The following TSPYL2 variants were observed in gnomAD, a reference collection of about 807,000 sequenced individuals.
The protein encoded by TSPYL2 is testis-specific Y-encoded-like protein 2.
TSPYL2 carries 9 observed loss-of-function variants against 33.0 expected under a neutral mutation model. That is an observed-to-expected ratio of 0.27 (90% CI 0.16 to 0.48). The LOEUF (loss-of-function observed/expected upper bound fraction) is 0.48. Ranked by LOEUF, TSPYL2 falls within the 20% of genes least tolerant of loss-of-function variation. The pLI is 0.99. For missense variants in TSPYL2, 636 were observed against 586.2 expected (o/e 1.08, Z -0.88); for synonymous variants, 330 against 233.6 (o/e 1.41, Z -3.77).
chrX:53,082,576 CCCG>C lies in TSPYL2; in HGVS notation c.98_100del (p.Pro33del), dbSNP rs781884842. 523 of 1,100,532 alleles carry C rather than the reference CCCG, an allele frequency of 4.8e-4. No individual in the cohort carries two copies. The highest frequency in any genetic ancestry group is 2.2e-3 in the Admixed American group (77 of 34,800). 90.7% of individuals were successfully genotyped at this position (1,100,532 alleles called of 1,213,427 possible). ...CCGAGTCTCCACAGCGCGACCCGCC[CCCG>C]CCGCCGCCGCCGCCGCCGCTCCTCC... On this transcript the variant is annotated inframe_deletion, in exon 1 of 7. Coordinates refer to ENST00000375442, the MANE Select transcript of TSPYL2 (RefSeq NM_022117.4).
At position 53,082,536 on chromosome X, in the gene TSPYL2, G is replaced by T; in HGVS notation, c.38G>T (p.Arg13Leu). Residue 13 changes from arginine (R) to leucine (L), a missense_variant, in exon 1 of 7, where the codon CGC becomes CTC. Arg to Leu is a moderately radical substitution (Grantham distance 102). Transcript: ENST00000375442. Reference protein sequence around the residue: ...RPDEGPPAKTRRLSSSESPQR... With the variant: ...RPDEGPPAKTLRLSSSESPQR... ...GATGAGGGGCCTCCGGCCAAGACCC[G>T]CCGCCTGAGCAGCTCCGAGTCTCCA... The T allele has an allele frequency of 8.6e-7, 1 of 1,158,714 alleles. No homozygotes were observed.
chrX:53,085,395 G>C (rs1369393420), intron 5 of TSPYL2, 74 bp downstream of exon 5: 3 of 906,261 alleles, frequency 3.3e-6, no homozygotes, highest in Non-Finnish European at 4.6e-6. Flanking sequence ...AGGATTTATG[G>C]AGCCAAAAAG....
At chrX:53,087,548 G>A (rs111433517) in intron 6 of TSPYL2, 2 of 408,481 alleles carry the variant, frequency 4.9e-6, no homozygotes, top group Non-Finnish European at 8.6e-6. Flanking sequence ...ACAGAGGCAG[G>A]GATCCCACAC....
At position 53,082,536 on chromosome X, in the gene TSPYL2, G is replaced by A; in HGVS notation, c.38G>A (p.Arg13His). 1.7e-6 allele frequency: 2 copies of A among 1,158,717 alleles called. No individual in the cohort carries two copies. The highest frequency in any genetic ancestry group is 2.3e-6 in the Non-Finnish European group (2 of 873,065). The change falls in exon 1 of 7, where the codon CGC becomes CAC. Residue 13 changes from arginine to histidine, a missense_variant. Coordinates refer to ENST00000375442, the MANE Select transcript of TSPYL2 (RefSeq NM_022117.4). Reference sequence around the variant, plus strand: ...GATGAGGGGCCTCCGGCCAAGACCCGCCGCCTGAGCAGCTCCGAGTCTCCA... The same window carrying A: ...GATGAGGGGCCTCCGGCCAAGACCCACCGCCTGAGCAGCTCCGAGTCTCCA... ...RPDEGPPAKT[R>H]RLSSSESPQR...
At position 53,085,289 on chromosome X, in the gene TSPYL2, G is replaced by A. The variant is rs782453473; in HGVS notation, c.1206G>A (p.Arg402=). ...ACTACCTGAGAGAAAGGGGCTCCAGGATAAAGAGAAAGAAGCAAGAAATGA... is the reference window on the plus strand; with the variant it reads ...ACTACCTGAGAGAAAGGGGCTCCAGAATAAAGAGAAAGAAGCAAGAAATGA... The part of the protein sequence containing the change: ...LRYYLRERGS[R]IKRKKQEMKK... The change falls in exon 5 of 7, where the codon AGG becomes AGA. Residue 402 remains arginine, a synonymous_variant. Coordinates refer to ENST00000375442, the MANE Select transcript of TSPYL2 (RefSeq NM_022117.4). The A allele has an allele frequency of 6.6e-6, 8 of 1,208,006 alleles. No homozygotes were observed. Among genetic ancestry groups the A allele is most frequent in the African/African-American group, 3.5e-5 (2 of 57,194 alleles).
At chrX:53,084,711 G>GT (rs1932718949) in intron 2 of TSPYL2, 44 bp from the exon 3 acceptor site, 1 of 1,177,997 alleles carries the variant, frequency 8.5e-7, no homozygotes, top group African/African-American at 1.8e-5. Context: ...GCCGTGGTGT[G>GT]TTGGGGGGGG....
In TSPYL2 at chrX:53,083,139, G is replaced by A. The variant is rs372826412; in HGVS notation, c.641G>A (p.Ser214Asn). Residue 214 changes from serine to asparagine, a missense_variant, in exon 1 of 7, where the codon AGC becomes AAC. Transcript: ENST00000375442. Reference sequence around the variant, plus strand: ...GAGAGAAATGCCGAGAGGATGGAGAGCATCCTGCAGGCACTGGAGGATATT... The same window carrying A: ...GAGAGAAATGCCGAGAGGATGGAGAACATCCTGCAGGCACTGGAGGATATT... ...SRERNAERME[S>N]ILQALEDIQL... 8.3e-7 allele frequency: 1 copy of A among 1,208,622 alleles called. No homozygotes were observed. Among genetic ancestry groups the A allele is most frequent in the African/African-American group, 1.8e-5 (1 of 56,751 alleles).
chrX:53,082,628 C>A lies in TSPYL2; in HGVS notation c.130C>A (p.Gln44Lys). 8.7e-7 allele frequency: 1 copy of A among 1,155,184 alleles called. No individual in the cohort carries two copies. Among genetic ancestry groups the A allele is most frequent in the Non-Finnish European group, 1.1e-6 (1 of 870,236 alleles). Residue 44 changes from glutamine (Q) to lysine (K), a missense_variant, in exon 1 of 7, where the codon CAG becomes AAG. This residue lies in a region of TSPYL2 where 231 missense variants were observed against 201.6 expected (regional missense o/e 1.15). Coordinates refer to ENST00000375442, the MANE Select transcript of TSPYL2 (RefSeq NM_022117.4). ...LLRLPLPPPQ[Q>K]RPRLQEETEA... is the part of the protein sequence containing the mutation. ...CCGACTGCCGCTGCCTCCACCCCAG[C>A]AGCGCCCGAGGCTCCAGGAGGAAAC...
At position 53,087,943 on chromosome X, in the gene TSPYL2, T is replaced by A. The variant is rs782114302; in HGVS notation, c.*4T>A. ...GAAGAGGGGGAAAACCGGATAAGGG[T>A]TTTCCCCTTTTGGGGATCACCTCTC... On this transcript the variant is annotated 3_prime_UTR_variant, in exon 7 of 7. Coordinates refer to ENST00000375442, the MANE Select transcript of TSPYL2 (RefSeq NM_022117.4). The A allele has an allele frequency of 8.3e-6, 10 of 1,208,431 alleles. No homozygotes were observed. The highest frequency in any genetic ancestry group is 1.1e-5 in the Non-Finnish European group (10 of 893,836).
At position 53,086,033 on chromosome X, in the gene TSPYL2, C is replaced by T. The variant is rs1556808555; in HGVS notation, c.1641C>T (p.Gly547=). The change falls in exon 6 of 7, where the codon GGC becomes GGT. Residue 547 remains glycine (G), a synonymous_variant. Transcript: ENST00000375442. Reference sequence around the variant, plus strand: ...ACGGCAACAACTTCTTCAAAGGTGGCTTCTGGGGCAGCCATGGCAACAACC... The same window carrying T: ...ACGGCAACAACTTCTTCAAAGGTGGTTTCTGGGGCAGCCATGGCAACAACC... ...NTYGNNFFKG[G]FWGSHGNNQD... is the part of the protein sequence containing the mutation. 5.1e-6 allele frequency: 6 copies of T among 1,172,716 alleles called. No homozygotes were observed. The highest frequency in any genetic ancestry group is 1.9e-5 in the South Asian group (1 of 53,157).
rs1463998013 is a variant in TSPYL2 at position 53,082,855 on chromosome X, C to T, written c.357C>T (p.Pro119=). The change falls in exon 1 of 7, where the codon CCC becomes CCT. Residue 119 remains proline, a synonymous_variant. Coordinates refer to ENST00000375442, the MANE Select transcript of TSPYL2 (RefSeq NM_022117.4). ...CCACGGAGAGCCTGGAAGCACTCCC[C>T]ACTCCTGAGGCCTCGGGGGGGAGCC... is the stretch of plus-strand genomic sequence containing the variant. The part of the protein sequence containing the change: ...PPPTESLEAL[P]TPEASGGSLE... 13 of 1,206,913 alleles carry T rather than the reference C, an allele frequency of 1.1e-5. No individual in the cohort carries two copies. Among genetic ancestry groups the T allele is most frequent in the Non-Finnish European group, 1.3e-5 (12 of 894,000 alleles).
rs1932722183 is a variant in TSPYL2 at position 53,084,801 on chromosome X, A to G, written c.932A>G (p.Tyr311Cys). 1 of 1,209,288 alleles carries G rather than the reference A, an allele frequency of 8.3e-7. No homozygotes were observed. The highest frequency in any genetic ancestry group is 1.1e-6 in the Non-Finnish European group (1 of 895,004). The change falls in exon 3 of 7, where the codon TAC (tyrosine) becomes TGC (cysteine). Residue 311 changes from tyrosine (Y) to cysteine (C), a missense_variant. This residue lies in a region of TSPYL2 where 401 missense variants were observed against 363.0 expected (regional missense o/e 1.10). Transcript: ENST00000375442. Reference sequence around the variant, plus strand: ...TCCATGGGCTACAAAATGAAGCTGTACTTCCAGACTAACCCCTACTTCACA... The same window carrying G: ...TCCATGGGCTACAAAATGAAGCTGTGCTTCCAGACTAACCCCTACTTCACA... The part of the protein sequence containing the change: ...HISMGYKMKL[Y>C]FQTNPYFTNM...
Position 53,082,643 on chromosome X carries a change from C to T in TSPYL2, c.145C>T (p.Gln49Ter). ...LPPPQQRPRL[Q>*]EETEAAQVLA... ...TCCACCCCAGCAGCGCCCGAGGCTC[C>T]AGGAGGAAACGGAGGCGGCACAGGT... Residue 49 changes from glutamine (Q) to a stop codon, truncating the protein, a stop_gained, in exon 1 of 7, where the codon CAG becomes TAG. Transcript: ENST00000375442. LOFTEE classifies it high-confidence loss of function. The T allele has an allele frequency of 8.6e-7, 1 of 1,156,435 alleles. No individual in the cohort carries two copies. Among genetic ancestry groups the T allele is most frequent in the Non-Finnish European group, 1.1e-6 (1 of 870,475 alleles).
In TSPYL2 at chrX:53,087,959, A is replaced by C; in HGVS notation, c.*20A>C. The C allele has an allele frequency of 8.3e-7, 1 of 1,204,121 alleles. No individual in the cohort carries two copies. The highest frequency in any genetic ancestry group is 1.1e-6 in the Non-Finnish European group (1 of 890,436). ...GGATAAGGGTTTTCCCCTTTTGGGGATCACCTCTCTGTATCCCCCACCCAC... is the reference window on the plus strand; with the variant it reads ...GGATAAGGGTTTTCCCCTTTTGGGGCTCACCTCTCTGTATCCCCCACCCAC... On this transcript the variant is annotated 3_prime_UTR_variant, in exon 7 of 7. Transcript: ENST00000375442.
intron 1 of TSPYL2, among the ~76,000 whole-genome samples, chrX:53,083,873 G>C (rs1932689204): frequency 8.9e-6 from 1 of 111,983 alleles, no homozygotes; most frequent in Admixed American, 9.4e-5. Flanking sequence ...GAAAGATCAA[G>C]AGAGGGAGTG....
At position 53,082,445 on chromosome X, in the gene TSPYL2, G is replaced by T. The variant is rs1231108265; in HGVS notation, c.-54G>T. The T allele has an allele frequency of 6.5e-6, 7 of 1,073,160 alleles. No homozygotes were observed. Among genetic ancestry groups the T allele is most frequent in the Non-Finnish European group, 8.5e-6 (7 of 823,533 alleles). The allele number at this position is 1,073,160 out of a possible 1,213,427, so 88.4% of individuals were successfully genotyped here. On this transcript the variant is annotated 5_prime_UTR_variant, in exon 1 of 7. Coordinates refer to ENST00000375442, the MANE Select transcript of TSPYL2 (RefSeq NM_022117.4). ...CGGTGCGACTAGCGGCAGCGACGCGGCTAAAAGCGAAGGGGCGAGTGCGAG... is the reference window on the plus strand; with the variant it reads ...CGGTGCGACTAGCGGCAGCGACGCGTCTAAAAGCGAAGGGGCGAGTGCGAG...
At position 53,082,990 on chromosome X, in the gene TSPYL2, C is replaced by G; in HGVS notation, c.492C>G (p.Ser164Arg). 1 of 1,210,516 alleles carries G rather than the reference C, an allele frequency of 8.3e-7. No homozygotes were observed. The highest frequency in any genetic ancestry group is 1.1e-6 in the Non-Finnish European group (1 of 895,074). ...WAPQRLVDPK[S>R]KEEAIIIVED... is the part of the protein sequence containing the mutation. ...CCCAGAGGTTAGTTGACCCGAAGAG[C>G]AAGGAAGAGGCGATCATCATAGTGG... Residue 164 changes from serine to arginine, a missense_variant, in exon 1 of 7, where the codon AGC (serine) becomes AGG (arginine). Around this residue, in one of 3 missense-constraint regions of TSPYL2, gnomAD observed 231 missense variants for 201.6 expected, o/e 1.15. Coordinates refer to ENST00000375442, the MANE Select transcript of TSPYL2 (RefSeq NM_022117.4).
Position 53,087,947 on chromosome X carries a change from C to A in TSPYL2, c.*8C>A. On this transcript the variant is annotated 3_prime_UTR_variant, in exon 7 of 7. Transcript: ENST00000375442. ...AGGGGGAAAACCGGATAAGGGTTTTCCCCTTTTGGGGATCACCTCTCTGTA... is the reference window on the plus strand; with the variant it reads ...AGGGGGAAAACCGGATAAGGGTTTTACCCTTTTGGGGATCACCTCTCTGTA... The A allele has an allele frequency of 8.3e-7, 1 of 1,209,378 alleles. No individual in the cohort carries two copies. Among genetic ancestry groups the A allele is most frequent in the Non-Finnish European group, 1.1e-6 (1 of 894,152 alleles).
At chrX:53,086,550 A>T in intron 6 of TSPYL2, 1 of 420,571 alleles carries the variant, frequency 2.4e-6, no homozygotes, top group East Asian at 4.0e-5. Context: ...CAGAAGATGA[A>T]GAGTACACAG....
Sources: gnomAD v4.1 joint callset for allele counts (sites outside exome capture counted in the v4.1 genomes callset) on GRCh38, gnomAD v4.1.1 for gene constraint, gnomAD v4.1.1 regional missense constraint, MANE v1.5 for transcripts, NCBI Gene and HGNC (gene_info 2026-07-23, HGNC 2026-07-21) for gene names.